The following OPCML variants were observed in gnomAD, a reference collection of about 807,000 sequenced individuals.
OPCML encodes the protein opioid binding protein/cell adhesion molecule like.
OPCML carries 13 observed loss-of-function variants against 37.8 expected under a neutral mutation model. The ratio of observed to expected loss-of-function variants is 0.34; its 90% CI spans 0.22 to 0.55. The LOEUF (loss-of-function observed/expected upper bound fraction) is 0.55. Among genes scored for constraint, OPCML ranks in the 20% least tolerant of loss-of-function variants. The pLI is 0.91. For synonymous variants in OPCML, 176 were observed against 168.8 expected, an observed-to-expected ratio of 1.04 and a Z score of -0.33; for missense variants, 341 against 435.6, an observed-to-expected ratio of 0.78 and a Z score of 1.93.
intron 1 of OPCML, among the ~76,000 whole-genome samples, chr11:132,991,346 C>T (rs1946771881): frequency 6.6e-6 from 1 of 152,136 alleles, no homozygotes; most frequent in Non-Finnish European, 1.5e-5. Context: ...TTCATAAATG[C>T]AATATACAAG....
intron 2 of OPCML, among the ~76,000 whole-genome samples, chr11:132,712,656 G>A (rs767660652): frequency 3.9e-5 from 6 of 152,152 alleles, no homozygotes; most frequent in Non-Finnish European, 8.8e-5. Flanking sequence ...CGTTTCATTC[G>A]CTGACAAGCG....
intron 1 of OPCML, among the ~76,000 whole-genome samples, chr11:133,029,118 C>T (rs144333446): frequency 2.3e-4 from 35 of 152,230 alleles, no homozygotes; most frequent in African/African-American, 8.2e-4. Context: ...AAAAAATGTT[C>T]GACATCACTA....
chr11:133,292,054 G>A (rs1473152301), intron 1 of OPCML, among the ~76,000 whole-genome samples: 6 of 152,194 alleles, frequency 3.9e-5, no homozygotes, highest in Non-Finnish European at 8.8e-5. Context: ...AAGCAAAGCA[G>A]AAGCTATAAA....
chr11:132,479,811 G>A (rs183332180), intron 4 of OPCML, among the ~76,000 whole-genome samples: 118 of 152,210 alleles, frequency 7.8e-4, no homozygotes, highest in South Asian at 1.2e-3. Context: ...TGCAGCTGAG[G>A]GTCCTGTTAG....
intron 2 of OPCML, among the ~76,000 whole-genome samples, chr11:132,692,164 A>AG (rs1329519166): frequency 2.0e-5 from 3 of 152,070 alleles, no homozygotes; most frequent in Admixed American, 6.5e-5. Flanking sequence ...AAAATTCAAG[A>AG]ACCTGAAGTT....
intron 2 of OPCML, among the ~76,000 whole-genome samples, chr11:132,904,292 A>G (rs1944160771): frequency 6.6e-6 from 1 of 152,236 alleles, no homozygotes; most frequent in Non-Finnish European, 1.5e-5. Context: ...AACAGATGCC[A>G]GGAGCTGCCC....
chr11:133,128,218 G>A (rs12796181), intron 1 of OPCML, among the ~76,000 whole-genome samples: 3 of 152,040 alleles, frequency 2.0e-5, no homozygotes, highest in African/African-American at 7.2e-5. Context: ...AGTGCCAAAT[G>A]CATTGGCAGC....
At position 133,125,504 on chromosome 11, in the gene OPCML, T is replaced by C. The variant is rs2137123173; in HGVS notation, c.62-182494A>G. ...CATTCTATAATCCCTCCCCTAATGG[T>C]TGTATGTGAACTGTGTATTAGTGTT... On this transcript the variant is annotated intron_variant, in intron 1 of 7. Coordinates refer to ENST00000524381, the MANE Select transcript of OPCML (RefSeq NM_001012393.5). Among the ~76,000 whole-genome samples the C allele has an allele frequency of 2.0e-5, 3 of 151,220 alleles. No homozygotes were observed. In the Middle Eastern group the frequency reaches 0.01, roughly 529 times the overall value.
chr11:133,152,888 T>TA (rs1346211413), intron 1 of OPCML, among the ~76,000 whole-genome samples: 7 of 148,276 alleles, frequency 4.7e-5, no homozygotes, highest in East Asian at 3.9e-4. Context: ...TTTTTTTTTT[T>TA]ATCATCATTT....
intron 4 of OPCML, among the ~76,000 whole-genome samples, chr11:132,474,905 C>T (rs1346420837): frequency 1.3e-5 from 2 of 152,166 alleles, no homozygotes; most frequent in African/African-American, 2.4e-5. Context: ...GGCATAATCC[C>T]CTGGTCACAA....
chr11:133,108,041 G>A (rs1949188026), intron 1 of OPCML, among the ~76,000 whole-genome samples: 1 of 152,154 alleles, frequency 6.6e-6, no homozygotes, highest in African/African-American at 2.4e-5. Context: ...AAAGGAAAGG[G>A]CTCAGGATGC....
At chr11:132,780,829 C>T (rs745388913) in intron 2 of OPCML, among the ~76,000 whole-genome samples, 17 of 152,276 alleles carry the variant, frequency 1.1e-4, no homozygotes, top group Admixed American at 7.2e-4. Context: ...ACTGTCTTCA[C>T]TGGTAAACAA....
At chr11:132,591,243 A>G (rs570615150) in intron 3 of OPCML, among the ~76,000 whole-genome samples, 28 of 152,196 alleles carry the variant, frequency 1.8e-4, no homozygotes, top group Admixed American at 1.3e-3. Flanking sequence ...GTGTGAGGAG[A>G]GCACTTTGGA....
chr11:133,148,624 A>C (rs1949931580), intron 1 of OPCML, among the ~76,000 whole-genome samples: 2 of 152,078 alleles, frequency 1.3e-5, no homozygotes, highest in African/African-American at 4.8e-5. Flanking sequence ...ACCGCCCTGC[A>C]GGGGGCGAAG....
intron 1 of OPCML, among the ~76,000 whole-genome samples, chr11:133,510,784 C>A (rs534540825): frequency 6.6e-6 from 1 of 152,218 alleles, no homozygotes; most frequent in East Asian, 1.9e-4. Flanking sequence ...TGAAGTTCCC[C>A]AGAGCTGCAT....
At chr11:133,063,164 T>C (rs1317516254) in intron 1 of OPCML, among the ~76,000 whole-genome samples, 1 of 152,354 alleles carries the variant, frequency 6.6e-6, no homozygotes, top group East Asian at 1.9e-4. Flanking sequence ...TATCTCTTTC[T>C]AGGGGCTCCA....
intron 2 of OPCML, among the ~76,000 whole-genome samples, chr11:132,907,145 T>G (rs1396122399): frequency 6.6e-6 from 1 of 152,194 alleles, no homozygotes; most frequent in Admixed American, 6.5e-5. Context: ...TTGTTTTCTA[T>G]CTACGTCACT....
At chr11:132,605,286 G>A (rs892337878) in intron 3 of OPCML, among the ~76,000 whole-genome samples, 1 of 152,044 alleles carries the variant, frequency 6.6e-6, no homozygotes, top group African/African-American at 2.4e-5. Context: ...AGCTGGGCAC[G>A]GTGGCTCACG....
chr11:132,441,328 C>G (rs939959923), intron 4 of OPCML, among the ~76,000 whole-genome samples: 1 of 150,518 alleles, frequency 6.6e-6, no homozygotes, highest in East Asian at 1.9e-4. Context: ...CCACTACGCC[C>G]GGCTAATTTT....
Sources: gnomAD v4.1 joint callset for allele counts (sites outside exome capture counted in the v4.1 genomes callset) on GRCh38, gnomAD v4.1.1 for gene constraint, MANE v1.5 for transcripts, NCBI Gene and HGNC (gene_info 2026-07-23, HGNC 2026-07-21) for gene names.